Variants in DOCK3 observed in about 807,000 individuals in gnomAD.
DOCK3 encodes the protein dedicator of cytokinesis 3, also known as dedicator of cytokinesis protein 3.
Under a neutral mutation model 265.6 loss-of-function variants are expected in DOCK3, and 60 were observed. The observed-to-expected ratio is 0.23, with a 90% CI of 0.18 to 0.28. The LOEUF (loss-of-function observed/expected upper bound fraction) is 0.28. Ranked by LOEUF, DOCK3 falls within the 10% of genes least tolerant of loss-of-function variation. The probability of loss-of-function intolerance (pLI) is 1.00; values close to 1 mark genes in which losing one functional copy is unlikely to be tolerated. For synonymous variants in DOCK3, 881 were observed against 938.0 expected (o/e 0.94, Z 1.11); for missense variants, 1,981 against 2,594.3 (o/e 0.76, Z 5.14).
At chr3:51,127,289 A>G (rs2084307567) in intron 9 of DOCK3, among the ~76,000 whole-genome samples, 1 of 152,132 alleles carries the variant, frequency 6.6e-6, no homozygotes, top group East Asian at 1.9e-4. Context: ...TCACAGACAT[A>G]CCACGATCAG....
intron 5 of DOCK3, among the ~76,000 whole-genome samples, chr3:51,019,232 G>A (rs1575789468): frequency 6.6e-6 from 1 of 151,816 alleles, no homozygotes; most frequent in South Asian, 2.1e-4. Flanking sequence ...TTACCACTTA[G>A]AAACTTTATT....
At position 51,156,464 on chromosome 3, in the gene DOCK3, A is replaced by ATTACAGGT. The variant is rs765258890; in HGVS notation, c.829-2779_829-2778insTACAGGTT. On this transcript the variant is annotated intron_variant, in intron 10 of 52. Coordinates refer to ENST00000266037, the MANE Select transcript of DOCK3 (RefSeq NM_004947.5). ...CTTTCTTTTACAGGTCATGTGAGTA[A>ATTACAGGT]TATAATGTAGATAACCACCCTTGGT... Among the ~76,000 whole-genome samples, 295 of 152,328 alleles carry ATTACAGGT rather than the reference A, an allele frequency of 1.9e-3. 1 individual carries two copies. Among genetic ancestry groups the ATTACAGGT allele is most frequent in the Admixed American group, 3.9e-3 (60 of 15,302 alleles).
intron 12 of DOCK3, among the ~76,000 whole-genome samples, chr3:51,199,888 T>C (rs1300101232): frequency 6.6e-6 from 1 of 152,198 alleles, no homozygotes; most frequent in Admixed American, 6.5e-5. Flanking sequence ...AAAACCACTG[T>C]TCTGCAGACA....
chr3:51,149,267 C>A (rs1047009512), intron 10 of DOCK3, among the ~76,000 whole-genome samples: 1 of 152,158 alleles, frequency 6.6e-6, no homozygotes, highest in African/African-American at 2.4e-5. Flanking sequence ...TCTAAATATA[C>A]AATCATGTCA....
chr3:51,134,087 A>G (rs1410955270), intron 9 of DOCK3, among the ~76,000 whole-genome samples: 1 of 152,136 alleles, frequency 6.6e-6, no homozygotes, highest in Non-Finnish European at 1.5e-5. Context: ...AGCTCCATCC[A>G]TGTTCCTGCA....
At chr3:51,305,945 T>C (rs1400809418) in intron 27 of DOCK3, among the ~76,000 whole-genome samples, 1 of 147,188 alleles carries the variant, frequency 6.8e-6, no homozygotes, top group Non-Finnish European at 1.5e-5. Flanking sequence ...GCTCAAGCGA[T>C]TCTCCCACCT....
chr3:50,878,211 C>T (rs1480524087), intron 3 of DOCK3, among the ~76,000 whole-genome samples: 5 of 152,006 alleles, frequency 3.3e-5, no homozygotes, highest in African/African-American at 7.2e-5. Context: ...AAAATCAGAG[C>T]GTCTCTTCTC....
chr3:51,051,014 T>G (rs2080974709), intron 5 of DOCK3, among the ~76,000 whole-genome samples: 1 of 152,206 alleles, frequency 6.6e-6, no homozygotes, highest in Non-Finnish European at 1.5e-5. Flanking sequence ...TTCATTGGTT[T>G]CAGGTCTAGG....
chr3:50,960,982 G>A (rs1021600742), intron 5 of DOCK3, among the ~76,000 whole-genome samples: 1 of 152,062 alleles, frequency 6.6e-6, no homozygotes, highest in African/African-American at 2.4e-5. Context: ...AAAATTAATT[G>A]ACCAAAAATA....
chr3:51,078,006 G>C (rs948878225), intron 7 of DOCK3, among the ~76,000 whole-genome samples: 1 of 150,630 alleles, frequency 6.6e-6, no homozygotes, highest in Non-Finnish European at 1.5e-5. Context: ...ACACTTAGAA[G>C]CCCGGACCTC....
intron 9 of DOCK3, among the ~76,000 whole-genome samples, chr3:51,136,396 TTTTTTTGTA>T (rs1259488358): frequency 1.3e-5 from 2 of 151,996 alleles, no homozygotes; most frequent in African/African-American, 2.4e-5. Flanking sequence ...CCGGCTAATT[TTTTTTTGTA>T]TTTTTTGTAT....
Position 50,765,502 on chromosome 3 carries a change from G to A in DOCK3, c.38-13173G>A, listed in dbSNP as rs116744128. 3.5e-3 allele frequency among the ~76,000 whole-genome samples: 527 copies of A among 152,244 alleles called. 6 individuals carry two copies. The highest frequency in any genetic ancestry group is 0.012 in the African/African-American group (500 of 41,546). ...CAAATAAAGTATAGGCCTGAAAATGGATCCATGATTTTAGGGAGAAAGCTC... is the reference window on the plus strand; with the variant it reads ...CAAATAAAGTATAGGCCTGAAAATGAATCCATGATTTTAGGGAGAAAGCTC... On this transcript the variant is annotated intron_variant, in intron 1 of 52. Coordinates refer to ENST00000266037, the MANE Select transcript of DOCK3 (RefSeq NM_004947.5).
Position 50,935,813 on chromosome 3 carries a change from C to G in DOCK3, c.315+1736C>G, listed in dbSNP as rs573263240. On this transcript the variant is annotated intron_variant, in intron 5 of 52. Coordinates refer to ENST00000266037, the MANE Select transcript of DOCK3 (RefSeq NM_004947.5). The stretch of plus-strand genomic sequence containing the variant: ...AACTGGATTGATGTTCAACCACAGC[C>G]CATAAAGATGAGAAGGTTGCAGTTT... 3.3e-5 allele frequency among the ~76,000 whole-genome samples: 5 copies of G among 152,122 alleles called. No homozygotes were observed. In the South Asian group the frequency reaches 1.0e-3, roughly 32 times the overall value.
At chr3:51,105,832 TCTGCATGGGGCTAC>T (rs2083259187) in intron 9 of DOCK3, among the ~76,000 whole-genome samples, 1 of 152,144 alleles carries the variant, frequency 6.6e-6, no homozygotes, top group Non-Finnish European at 1.5e-5. Flanking sequence ...AGCTGGGAAT[TCTGCATGGGGCTAC>T]CATGCACCAG....
At chr3:50,960,936 C>G (rs1249824851) in intron 5 of DOCK3, among the ~76,000 whole-genome samples, 1 of 152,072 alleles carries the variant, frequency 6.6e-6, no homozygotes, top group Non-Finnish European at 1.5e-5. Flanking sequence ...AAAGACTATT[C>G]TTTCCCCGCA....
chr3:51,252,975 T>C (rs749132755), intron 22 of DOCK3, among the ~76,000 whole-genome samples: 12 of 152,340 alleles, frequency 7.9e-5, no homozygotes, highest in Admixed American at 3.9e-4. Flanking sequence ...GTTTTGCCCA[T>C]TCAGTATGAT....
chr3:50,905,553 GCTCT>G (rs2049444178), intron 4 of DOCK3, among the ~76,000 whole-genome samples: 1 of 151,936 alleles, frequency 6.6e-6, no homozygotes, highest in Non-Finnish European at 1.5e-5. Flanking sequence ...TCATGATTTG[GCTCT>G]CTGTTTGTCT....
In DOCK3 at chr3:50,934,059, G is replaced by A. The variant is rs753020494; in HGVS notation, c.297G>A (p.Leu99=). The A allele has an allele frequency of 1.2e-5, 19 of 1,610,148 alleles. No individual in the cohort carries two copies. The South Asian group carries it at 1.6e-4, about 13-fold the overall frequency. The part of the protein sequence containing the change: ...VTATLQEWAS[L]WKQLYVKHKV... The stretch of plus-strand genomic sequence containing the variant: ...CAACTCTACAAGAATGGGCAAGTTT[G>A]TGGAAACAGTTGTATGTGGTAAGTA... Residue 99 remains leucine (L), a synonymous_variant, in exon 5 of 53, where the codon TTG becomes TTA. Coordinates refer to ENST00000266037, the MANE Select transcript of DOCK3 (RefSeq NM_004947.5).
At chr3:50,753,070 G>A (rs1224643590) in intron 1 of DOCK3, among the ~76,000 whole-genome samples, 1 of 152,138 alleles carries the variant, frequency 6.6e-6, no homozygotes, top group African/African-American at 2.4e-5. Flanking sequence ...TAGATAACAA[G>A]AGAGGGAACA....
Sources: gnomAD v4.1 joint callset for allele counts (sites outside exome capture counted in the v4.1 genomes callset) on GRCh38, gnomAD v4.1.1 for gene constraint, MANE v1.5 for transcripts, NCBI Gene and HGNC (gene_info 2026-07-23, HGNC 2026-07-21) for gene names.